MCF2L: variants seen among roughly 807,000 people sequenced by gnomAD.
MCF2L encodes the protein guanine nucleotide exchange factor DBS.
In MCF2L, 97 loss-of-function variants were observed where a neutral mutation model predicts 153.4. The ratio of observed to expected loss-of-function variants is 0.63; its 90% CI spans 0.54 to 0.75. The LOEUF (loss-of-function observed/expected upper bound fraction) is 0.75, where lower values mean the gene tolerates loss of function less well. Ranked by LOEUF, MCF2L falls within the 30% of genes least tolerant of loss-of-function variation. The pLI, the probability that MCF2L is intolerant of heterozygous loss-of-function variation, is 0.00. For synonymous variants in MCF2L, 659 were observed against 632.2 expected (o/e 1.04, Z -0.64); for missense variants, 1,347 against 1,495.2 (o/e 0.90, Z 1.64).
chr13:112,945,906 C>T (rs2081632367), intron 2 of MCF2L, among the ~76,000 whole-genome samples: 1 of 152,170 alleles, frequency 6.6e-6, no homozygotes, highest in African/African-American at 2.4e-5. Flanking sequence ...CTTTATTCTT[C>T]TAATTTTCTT....
upstream of MCF2L, chr13:112,968,973 A>G: frequency 2.3e-6 from 1 of 432,666 alleles, no homozygotes; most frequent in Non-Finnish European, 4.0e-6. Flanking sequence ...CACAGGTGAC[A>G]CTTCCAGGTG....
chr13:112,906,295 T>G (rs2081172321), intron 2 of MCF2L, among the ~76,000 whole-genome samples: 1 of 152,230 alleles, frequency 6.6e-6, no homozygotes, highest in Non-Finnish European at 1.5e-5. Context: ...GGCTCCTGCC[T>G]GAGCCTGCAG....
rs2084837778 is a variant in MCF2L at position 113,020,893 on chromosome 13, T to G, written c.164-3751T>G. On this transcript the variant is annotated intron_variant, in intron 2 of 29. Coordinates refer to ENST00000535094, the MANE Select transcript of MCF2L (RefSeq NM_001112732.3). Reference sequence around the variant, plus strand: ...ATGTGTGTATGTGTAGATGTGTGTATGTGTAGATGTGTGTATGTGTGTGTA... The same window carrying G: ...ATGTGTGTATGTGTAGATGTGTGTAGGTGTAGATGTGTGTATGTGTGTGTA... Among the ~76,000 whole-genome samples the G allele has an allele frequency of 2.6e-5, 4 of 151,314 alleles. No individual in the cohort carries two copies. The South Asian group carries it at 8.3e-4, about 32-fold the overall frequency.
rs895151582 is a variant in MCF2L at position 113,052,266 on chromosome 13, G to A, written c.369+6905G>A. ...AGAAAGAGCTCTGAGACCCGGGCTC[G>A]CTCAGCGGTTTTTTCTCGCAGAGAA... On this transcript the variant is annotated intron_variant, in intron 4 of 29. Transcript: ENST00000535094. 7.9e-5 allele frequency among the ~76,000 whole-genome samples: 12 copies of A among 152,284 alleles called. No homozygotes were observed. In the South Asian group the frequency reaches 8.3e-4, roughly 11 times the overall value.
chr13:113,014,889 G>A, intron 2 of MCF2L, 43 bp downstream of exon 2: 1 of 1,586,688 alleles, frequency 6.3e-7, no homozygotes, highest in South Asian at 1.1e-5. Context: ...GGAGGGGTCT[G>A]GGGCCGGGTG....
rs536397036 is a variant in MCF2L, at chr13:113,033,716, C to T, written c.278+8958C>T. Among the ~76,000 whole-genome samples, 16 of 152,294 alleles carry T rather than the reference C, an allele frequency of 1.1e-4. No homozygotes were observed. In the South Asian group the frequency reaches 1.7e-3, roughly 16 times the overall value. The stretch of plus-strand genomic sequence containing the variant: ...GGCTGGCCTGAGGCTGTGCTGGCCC[C>T]GGTCGCCCTCCATGGTCTGAAGCCC... On this transcript the variant is annotated intron_variant, in intron 3 of 29. Coordinates refer to ENST00000535094, the MANE Select transcript of MCF2L (RefSeq NM_001112732.3).
Position 112,944,623 on chromosome 13 carries a change from G to C in MCF2L, c.169+42252G>C, listed in dbSNP as rs577559534. On this transcript the variant is annotated intron_variant, in intron 2 of 29. Transcript: ENST00000375608. ...GTCTCGCTCTGTCGCCCAGGCTGGA[G>C]TGCAGTGGCGCAACCTCGGCTCACG... is the stretch of plus-strand genomic sequence containing the variant. 1.1e-4 allele frequency among the ~76,000 whole-genome samples: 16 copies of C among 148,054 alleles called. No individual in the cohort carries two copies. In the South Asian group the frequency reaches 3.0e-3, roughly 28 times the overall value.
intron 2 of MCF2L, among the ~76,000 whole-genome samples, chr13:113,018,075 C>T (rs774420232): frequency 5.3e-5 from 8 of 152,184 alleles, no homozygotes; most frequent in African/African-American, 7.2e-5. Flanking sequence ...TGTCTGTAGA[C>T]GCACAGGTGC....
chr13:113,033,640 C>G (rs560867111), intron 3 of MCF2L, among the ~76,000 whole-genome samples: 3 of 152,132 alleles, frequency 2.0e-5, no homozygotes, highest in African/African-American at 4.8e-5. Context: ...ATTTCCCCCC[C>G]CCACCCCAAC....
At chr13:112,953,013 G>C (rs1026889841) in intron 2 of MCF2L, among the ~76,000 whole-genome samples, 3 of 152,192 alleles carry the variant, frequency 2.0e-5, no homozygotes, top group Non-Finnish European at 4.4e-5. Context: ...GGTCTAAATG[G>C]GATGGGCCCG....
chr13:112,979,518 C>G (rs2082326408), intron 1 of MCF2L: 2 of 1,483,852 alleles, frequency 1.3e-6, no homozygotes, highest in South Asian at 1.4e-5. Context: ...GCACCTGTCT[C>G]TTGTGACCAT....
intron 1 of MCF2L, among the ~76,000 whole-genome samples, chr13:112,994,722 G>C (rs9577416): frequency 0.27 from 40,834 of 151,958 alleles, 6,082 homozygotes; most frequent in Non-Finnish European, 0.34. Context: ...CCCGGGCACA[G>C]GCTCTCCTGC....
chr13:112,953,160 G>A (rs2081714348), intron 2 of MCF2L, among the ~76,000 whole-genome samples: 1 of 152,186 alleles, frequency 6.6e-6, no homozygotes, highest in South Asian at 2.1e-4. Context: ...TTGGAGCCGT[G>A]TTTTGGAATC....
intron 1 of MCF2L, among the ~76,000 whole-genome samples, chr13:112,976,189 T>TGC (rs1566677634): frequency 2.2e-5 from 3 of 136,322 alleles, no homozygotes; most frequent in African/African-American, 5.0e-5. Flanking sequence ...TGTGTGTGTG[T>TGC]GCGTGTGTGT....
At chr13:113,051,838 C>G (rs970163180) in intron 4 of MCF2L, among the ~76,000 whole-genome samples, 1 of 152,106 alleles carries the variant, frequency 6.6e-6, no homozygotes, top group Non-Finnish European at 1.5e-5. Context: ...GCTGCCCCCG[C>G]TGCTTACAAA....
At chr13:112,954,244 C>T (rs2081730239) in intron 2 of MCF2L, among the ~76,000 whole-genome samples, 1 of 152,138 alleles carries the variant, frequency 6.6e-6, no homozygotes. Context: ...AAAGTGTGCC[C>T]AGCTCTGCCC....
chr13:113,044,690 C>G (rs565211788), intron 3 of MCF2L: 2 of 1,612,640 alleles, frequency 1.2e-6, no homozygotes, highest in Admixed American at 1.7e-5. Context: ...CGGAGGCTGT[C>G]GTTATACAAC....
At chr13:112,925,398 G>A (rs1382335649) in intron 2 of MCF2L, among the ~76,000 whole-genome samples, 1 of 152,202 alleles carries the variant, frequency 6.6e-6, no homozygotes, top group African/African-American at 2.4e-5. Flanking sequence ...AAAGGAAGGA[G>A]TACTTCTGTA....
rs552279851 is a variant in MCF2L, at chr13:112,903,795, C to T, written c.169+1424C>T. ...GTGCTCTCATTATTCCCTGGCACAC[C>T]GCCTGCTTCTCTGGGATGTACACAC... is the stretch of plus-strand genomic sequence containing the variant. On this transcript the variant is annotated intron_variant, in intron 2 of 29. Coordinates refer to the MCF2L transcript ENST00000375608. Among the ~76,000 whole-genome samples the T allele has an allele frequency of 5.9e-5, 9 of 152,306 alleles. No individual in the cohort carries two copies. The South Asian group carries it at 1.2e-3, about 21-fold the overall frequency.
Sources: gnomAD v4.1 joint callset for allele counts (sites outside exome capture counted in the v4.1 genomes callset) on GRCh38, gnomAD v4.1.1 for gene constraint, MANE v1.5 for transcripts, NCBI Gene and HGNC (gene_info 2026-07-23, HGNC 2026-07-21) for gene names.